The following TMEM87A variants were observed in gnomAD, a reference collection of about 807,000 sequenced individuals.
The protein encoded by TMEM87A is transmembrane protein 87A.
In TMEM87A, 50 loss-of-function variants were observed where a neutral mutation model predicts 90.0. The ratio of observed to expected loss-of-function variants is 0.56; its 90% CI spans 0.44 to 0.70. The LOEUF is 0.70. Ranked by LOEUF, TMEM87A falls within the 30% of genes least tolerant of loss-of-function variation. TMEM87A has a pLI of 0.00. For missense variants in TMEM87A, 577 were observed against 660.5 expected, an observed-to-expected ratio of 0.87 and a Z score of 1.39; for synonymous variants, 226 against 226.7, an observed-to-expected ratio of 1.00 and a Z score of 0.03.
chr15:42,237,669 T>C (rs2050797801), intron 8 of TMEM87A, 54 bp from the exon 9 acceptor site: 8 of 1,410,870 alleles, frequency 5.7e-6, no homozygotes, highest in Non-Finnish European at 7.5e-6. Flanking sequence ...AAGAGCCAAG[T>C]CTGTAGATTT....
At chr15:42,265,588 G>A (rs1340135367) in intron 3 of TMEM87A, among the ~76,000 whole-genome samples, 1 of 151,840 alleles carries the variant, frequency 6.6e-6, no homozygotes, top group Non-Finnish European at 1.5e-5. Context: ...GTTCCTTATA[G>A]AGGCTGGATA....
chr15:42,259,091 G>A, intron 6 of TMEM87A: 1 of 669,872 alleles, frequency 1.5e-6, no homozygotes, highest in Non-Finnish European at 2.7e-6. Flanking sequence ...GTTAACAGCT[G>A]ATAAAAACAA....
intron 15 of TMEM87A, among the ~76,000 whole-genome samples, chr15:42,222,633 G>A (rs897609776): frequency 2.0e-5 from 3 of 151,306 alleles, no homozygotes; most frequent in East Asian, 2.0e-4. Flanking sequence ...ATCTCAGCTC[G>A]CTGCAACCTC....
chr15:42,221,613 T>C (rs1387211374), intron 15 of TMEM87A, among the ~76,000 whole-genome samples: 1 of 152,092 alleles, frequency 6.6e-6, no homozygotes, highest in East Asian at 1.9e-4. Flanking sequence ...CATGTACCAG[T>C]AGTCTCAGCT....
chr15:42,227,679 G>GTACATTATTCATAAATGTGCTTA, intron 14 of TMEM87A, 32 bp downstream of exon 14: 2 of 1,589,292 alleles, frequency 1.3e-6, no homozygotes, highest in Non-Finnish European at 1.7e-6. Context: ...TTATAAGACA[G>GTACATTATTCATAAATGTGCTTA]TACATTATTC....
At chr15:42,272,732 A>G (rs2051565687) in intron 1 of TMEM87A, 7 of 330,156 alleles carry the variant, frequency 2.1e-5, no homozygotes, top group South Asian at 1.7e-4. Flanking sequence ...GTTAAAACAC[A>G]TTTCTTAAAT....
At chr15:42,225,155 T>G (rs1247018575) in intron 15 of TMEM87A, among the ~76,000 whole-genome samples, 1 of 152,276 alleles carries the variant, frequency 6.6e-6, no homozygotes, top group East Asian at 1.9e-4. Context: ...AAGGCCATTT[T>G]CATGGAGTAA....
chr15:42,234,941 C>A (rs1359434805), intron 10 of TMEM87A, among the ~76,000 whole-genome samples: 1 of 152,194 alleles, frequency 6.6e-6, no homozygotes, highest in Non-Finnish European at 1.5e-5. Context: ...TTACAGACTT[C>A]TAAATAATAT....
rs187293438 is a variant in TMEM87A at position 42,261,820 on chromosome 15, G to A, written c.406-571C>T. On this transcript the variant is annotated intron_variant, in intron 4 of 19. Transcript: ENST00000389834. ...GGCTAATTTTTTTGTATTTTTAGTAGAGACAGGGTTTCACCGTGTTAGCCA... is the reference window on the plus strand; with the variant it reads ...GGCTAATTTTTTTGTATTTTTAGTAAAGACAGGGTTTCACCGTGTTAGCCA... 2.6e-3 allele frequency among the ~76,000 whole-genome samples: 403 copies of A among 152,110 alleles called. 1 individual carries two copies. Among genetic ancestry groups the A allele is most frequent in the African/African-American group, 9.4e-3 (389 of 41,504 alleles).
At chr15:42,235,091 T>G (rs1241679453) in intron 10 of TMEM87A, among the ~76,000 whole-genome samples, 4 of 152,190 alleles carry the variant, frequency 2.6e-5, no homozygotes, top group Non-Finnish European at 4.4e-5. Flanking sequence ...CAGGCTAGAG[T>G]GCAGTGGCAT....
At chr15:42,238,162 C>T (rs1479136178) in intron 8 of TMEM87A, among the ~76,000 whole-genome samples, 5 of 152,008 alleles carry the variant, frequency 3.3e-5, no homozygotes, top group Middle Eastern at 3.2e-3. Context: ...TCTGGTCAGG[C>T]GTGGTAATTC....
chr15:42,247,070 T>C (rs2050990284), intron 6 of TMEM87A, among the ~76,000 whole-genome samples: 1 of 152,168 alleles, frequency 6.6e-6, no homozygotes, highest in Non-Finnish European at 1.5e-5. Flanking sequence ...TTTTCATGTG[T>C]CTGTTGGCTG....
At chr15:42,238,246 CA>C (rs1333970861) in intron 8 of TMEM87A, among the ~76,000 whole-genome samples, 1 of 151,842 alleles carries the variant, frequency 6.6e-6, no homozygotes, top group East Asian at 1.9e-4. Context: ...CCAGTCTAGG[CA>C]ACATAGCAAG....
chr15:42,248,040 T>C (rs2051011426), intron 6 of TMEM87A, among the ~76,000 whole-genome samples: 1 of 152,174 alleles, frequency 6.6e-6, no homozygotes, highest in African/African-American at 2.4e-5. Context: ...TTTATTCTCT[T>C]TGTAGCAATT....
chr15:42,242,580 G>A (rs1566932443), intron 7 of TMEM87A, among the ~76,000 whole-genome samples: 1 of 151,330 alleles, frequency 6.6e-6, no homozygotes, highest in Non-Finnish European at 1.5e-5. Context: ...GAGAGAGAGA[G>A]ACAGACAGAC....
intron 6 of TMEM87A, among the ~76,000 whole-genome samples, chr15:42,246,533 A>G (rs1260648209): frequency 4.6e-5 from 7 of 152,094 alleles, no homozygotes; most frequent in Non-Finnish European, 1.5e-5. Context: ...CCTATGAGTG[A>G]GAACATGCAG....
chr15:42,232,298 C>T (rs932243268), intron 11 of TMEM87A, among the ~76,000 whole-genome samples: 4 of 152,068 alleles, frequency 2.6e-5, no homozygotes, highest in African/African-American at 9.7e-5. Flanking sequence ...CATGGCTCAC[C>T]GCAGCCTGAA....
At chr15:42,263,694 G>A (rs2051341211) in intron 4 of TMEM87A, among the ~76,000 whole-genome samples, 1 of 152,186 alleles carries the variant, frequency 6.6e-6, no homozygotes, top group South Asian at 2.1e-4. Context: ...ACTGCAGTGA[G>A]CCGAGATTGT....
chr15:42,215,053 G>A (rs76115081), intron 19 of TMEM87A, among the ~76,000 whole-genome samples: 1,643 of 152,276 alleles, frequency 0.011, 30 homozygotes, highest in African/African-American at 0.038. Flanking sequence ...ATGTTATATA[G>A]CCTACTACAT....
Sources: gnomAD v4.1 joint callset for allele counts (sites outside exome capture counted in the v4.1 genomes callset) on GRCh38, gnomAD v4.1.1 for gene constraint, MANE v1.5 for transcripts, NCBI Gene and HGNC (gene_info 2026-07-23, HGNC 2026-07-21) for gene names.